Variants in SAXO1 observed in about 807,000 individuals in gnomAD.
SAXO1 encodes stabilizer of axonemal microtubules 1, also known as 4930500O09Rik.
A neutral mutation model predicts 17.5 loss-of-function variants in SAXO1; 21 were observed. That is an observed-to-expected ratio of 1.20 (90% confidence interval 0.85 to 1.72). The LOEUF (loss-of-function observed/expected upper bound fraction) is 1.72. SAXO1 is among the 40% of genes most tolerant of loss of function. The probability of loss-of-function intolerance (pLI) is 0.00; values close to 1 mark genes in which losing one functional copy is unlikely to be tolerated. For missense variants in SAXO1, 843 were observed against 596.0 expected, an observed-to-expected ratio of 1.41 and a Z score of -4.32; for synonymous variants, 274 against 216.5, an observed-to-expected ratio of 1.27 and a Z score of -2.33.
At chr9:18,930,467 C>G (rs1051117349) in intron 3 of SAXO1, among the ~76,000 whole-genome samples, 1 of 151,934 alleles carries the variant, frequency 6.6e-6, no homozygotes, top group Non-Finnish European at 1.5e-5. Context: ...GGATGACAAA[C>G]CATGTGATTC....
chr9:19,013,547 T>TA (rs1834844353), intron 1 of SAXO1, among the ~76,000 whole-genome samples: 2 of 138,614 alleles, frequency 1.4e-5, no homozygotes, highest in South Asian at 4.8e-4. Context: ...CGGATTTTTT[T>TA]TTTTTTTTTT....
chr9:19,037,635 T>C (rs1398364388), upstream of SAXO1, among the ~76,000 whole-genome samples: 4 of 152,206 alleles, frequency 2.6e-5, no homozygotes, highest in Admixed American at 2.6e-4. Flanking sequence ...CATGTGGAAC[T>C]GTAAGTCCAA....
At chr9:18,974,352 G>A (rs1833055107) in intron 1 of SAXO1, among the ~76,000 whole-genome samples, 1 of 152,214 alleles carries the variant, frequency 6.6e-6, no homozygotes, top group Admixed American at 6.5e-5. Flanking sequence ...GTGTTTGTGT[G>A]TATTATGTAT....
intron 1 of SAXO1, among the ~76,000 whole-genome samples, chr9:18,965,781 G>C (rs1746689573): frequency 6.6e-6 from 1 of 152,146 alleles, no homozygotes; most frequent in African/African-American, 2.4e-5. Context: ...ATTTGATCCT[G>C]TCATTATGAT....
rs746415851 is a variant in SAXO1 at position 18,929,020 on chromosome 9, G to C, written c.457C>G (p.Pro153Ala). The change falls in exon 4 of 4, where the codon CCA becomes GCA. Residue 153 changes from proline (P) to alanine (A), a missense_variant. Transcript: ENST00000380534. ...YLPWNQPRREPLRLEHKYQPA... is the reference protein window; with the variant it reads ...YLPWNQPRREALRLEHKYQPA... Reference sequence around the variant, plus strand: ...TGGTATTTGTGTTCCAGACGAAGTGGCTCTCGCCTTGGTTGGTTCCAAGGC... The same window carrying C: ...TGGTATTTGTGTTCCAGACGAAGTGCCTCTCGCCTTGGTTGGTTCCAAGGC... The C allele has an allele frequency of 3.7e-6, 6 of 1,614,182 alleles. No homozygotes were observed. Among genetic ancestry groups the C allele is most frequent in the Non-Finnish European group, 5.1e-6 (6 of 1,180,038 alleles).
intron 3 of SAXO1, among the ~76,000 whole-genome samples, chr9:18,929,432 G>A (rs140633741): frequency 2.8e-4 from 42 of 152,318 alleles, no homozygotes; most frequent in African/African-American, 1.0e-3. Context: ...CATGGAAGGA[G>A]TGAGAAGATG....
chr9:19,037,577 G>A (rs1266944792), upstream of SAXO1, among the ~76,000 whole-genome samples: 3 of 152,154 alleles, frequency 2.0e-5, no homozygotes, highest in African/African-American at 4.8e-5. Context: ...CTGCTGCCAT[G>A]TAAGAAGTGC....
intron 1 of SAXO1, among the ~76,000 whole-genome samples, chr9:19,013,989 T>C (rs900409385): frequency 2.0e-5 from 3 of 152,186 alleles, no homozygotes; most frequent in African/African-American, 7.2e-5. Context: ...AGGTTGTCAG[T>C]ATAGTTAATA....
chr9:18,964,873 G>C (rs1322978966), intron 1 of SAXO1, among the ~76,000 whole-genome samples: 1 of 152,126 alleles, frequency 6.6e-6, no homozygotes, highest in Non-Finnish European at 1.5e-5. Context: ...GATCTTTCCT[G>C]CTTTCTCCTG....
At chr9:19,023,149 A>ACC (rs1381667803) in intron 1 of SAXO1, among the ~76,000 whole-genome samples, 3 of 33,900 alleles carry the variant, frequency 8.8e-5, no homozygotes, top group African/African-American at 3.3e-4. Flanking sequence ...ATCCCCCCCC[A>ACC]CCCCCCCGCC....
chr9:19,003,067 GC>G (rs1834343439), intron 1 of SAXO1, among the ~76,000 whole-genome samples: 1 of 152,078 alleles, frequency 6.6e-6, no homozygotes, highest in Non-Finnish European at 1.5e-5. Flanking sequence ...AAATCAATGT[GC>G]AAAAATCACA....
At chr9:18,985,420 T>C (rs1219716599) in intron 1 of SAXO1, among the ~76,000 whole-genome samples, 1 of 152,152 alleles carries the variant, frequency 6.6e-6, no homozygotes, top group Admixed American at 6.5e-5. Flanking sequence ...AAACACACTA[T>C]CTGCAAAGTG....
chr9:19,025,372 T>C (rs1334540614), intron 1 of SAXO1, among the ~76,000 whole-genome samples: 1 of 152,214 alleles, frequency 6.6e-6, no homozygotes, highest in Non-Finnish European at 1.5e-5. Flanking sequence ...TCAATTTTTT[T>C]TCCTTCCTCT....
chr9:18,942,765 G>A (rs1282080951), intron 2 of SAXO1, among the ~76,000 whole-genome samples: 1 of 152,182 alleles, frequency 6.6e-6, no homozygotes, highest in Non-Finnish European at 1.5e-5. Flanking sequence ...CCGCCCTAAG[G>A]AGCCAGGGCT....
intron 1 of SAXO1, among the ~76,000 whole-genome samples, chr9:19,030,525 G>C (rs1835713807): frequency 6.6e-6 from 1 of 152,044 alleles, no homozygotes; most frequent in Non-Finnish European, 1.5e-5. Flanking sequence ...GGCCAACATG[G>C]TGAAACCCCA....
At position 18,976,440 on chromosome 9, in the gene SAXO1, G is replaced by C. The variant is rs1417800050; in HGVS notation, c.39-25503C>G. On this transcript the variant is annotated intron_variant, in intron 1 of 3. Transcript: ENST00000380534. ...TGTGAGGGTAGCAGCTCATGTTGTG[G>C]CCAGAAACTTGGTAATATGATTGAG... Among the ~76,000 whole-genome samples, 3 of 152,264 alleles carry C rather than the reference G, an allele frequency of 2.0e-5. No homozygotes were observed. The East Asian group carries it at 5.8e-4, about 29-fold the overall frequency.
At chr9:18,929,977 A>T (rs187421355) in intron 3 of SAXO1, among the ~76,000 whole-genome samples, 28 of 152,310 alleles carry the variant, frequency 1.8e-4, no homozygotes, top group African/African-American at 6.7e-4. Flanking sequence ...GATGGGTATG[A>T]TTCTCTCCAT....
In SAXO1 at chr9:18,958,317, G is replaced by A. The variant is rs147459714; in HGVS notation, c.39-7380C>T. The stretch of plus-strand genomic sequence containing the variant: ...TGGGCACCTGTAATTCCAGCTACTC[G>A]GGAGGCTGAGGCAGGACAATCATTT... On this transcript the variant is annotated intron_variant, in intron 1 of 3. Coordinates refer to ENST00000380534, the MANE Select transcript of SAXO1 (RefSeq NM_153707.4). Among the ~76,000 whole-genome samples the A allele has an allele frequency of 5.3e-5, 8 of 152,152 alleles. No individual in the cohort carries two copies. The South Asian group carries it at 8.3e-4, about 16-fold the overall frequency.
intron 1 of SAXO1, among the ~76,000 whole-genome samples, chr9:19,048,505 T>G (rs1836275026): frequency 6.6e-6 from 1 of 152,100 alleles, no homozygotes; most frequent in African/African-American, 2.4e-5. Context: ...TTCAGTATCC[T>G]GATGACTCTC....
Sources: allele counts gnomAD v4.1 joint callset (sites outside exome capture counted in the v4.1 genomes callset), GRCh38; gene constraint gnomAD v4.1.1; transcripts MANE v1.5; gene names NCBI Gene and HGNC (gene_info 2026-07-23, HGNC 2026-07-21).